Variants in ANGPT1 observed in about 807,000 individuals in gnomAD.
The protein encoded by ANGPT1 is angiopoietin 1.
In ANGPT1, 17 loss-of-function variants were observed where a neutral mutation model predicts 62.2. That is an observed-to-expected ratio of 0.27 (90% CI 0.19 to 0.41). The LOEUF is 0.41. Ranked by LOEUF, ANGPT1 falls within the 10% of genes least tolerant of loss-of-function variation. ANGPT1 has a pLI of 1.00. For missense variants in ANGPT1, 478 were observed against 594.9 expected (o/e 0.80, Z 2.04); for synonymous variants, 199 against 198.9 (o/e 1.00, Z 0.00).
chr8:107,287,768 A>G (rs1483517834), intron 6 of ANGPT1, among the ~76,000 whole-genome samples: 10 of 152,174 alleles, frequency 6.6e-5, no homozygotes, highest in Admixed American at 6.6e-4. Flanking sequence ...GAACTGCCAC[A>G]TATTTGCTGT....
At chr8:107,371,345 G>T (rs1816407067) in intron 1 of ANGPT1, among the ~76,000 whole-genome samples, 1 of 152,106 alleles carries the variant, frequency 6.6e-6, no homozygotes, top group Admixed American at 6.5e-5. Context: ...GTCAATCTGT[G>T]AATTTGTCAG....
At chr8:107,464,282 G>A (rs1812145288) in intron 1 of ANGPT1, among the ~76,000 whole-genome samples, 1 of 152,102 alleles carries the variant, frequency 6.6e-6, no homozygotes, top group Admixed American at 6.6e-5. Flanking sequence ...AACTACAAAA[G>A]TGATCCTATG....
chr8:107,363,416 C>T (rs745727754), intron 1 of ANGPT1, among the ~76,000 whole-genome samples: 2 of 152,102 alleles, frequency 1.3e-5, no homozygotes, highest in Non-Finnish European at 2.9e-5. Context: ...TACTAGCCAC[C>T]ATATTATTGC....
chr8:107,253,318 C>A (rs1355136504), intron 8 of ANGPT1, among the ~76,000 whole-genome samples: 1 of 152,136 alleles, frequency 6.6e-6, no homozygotes, highest in Non-Finnish European at 1.5e-5. Context: ...AAAATCCTAC[C>A]TTTGTTTTTC....
intron 1 of ANGPT1, among the ~76,000 whole-genome samples, chr8:107,477,050 C>G (rs923621288): frequency 5.3e-5 from 8 of 152,130 alleles, no homozygotes; most frequent in African/African-American, 1.9e-4. Flanking sequence ...ACCACAGAAT[C>G]CAAACCCGTT....
intron 1 of ANGPT1, among the ~76,000 whole-genome samples, chr8:107,474,444 A>C (rs1812456316): frequency 6.6e-6 from 1 of 152,316 alleles, no homozygotes. Context: ...TCAAAATAAC[A>C]AGAGCTATTT....
At chr8:107,429,630 A>G (rs1237762494) in intron 1 of ANGPT1, among the ~76,000 whole-genome samples, 1 of 130,722 alleles carries the variant, frequency 7.6e-6, no homozygotes, top group South Asian at 2.7e-4. Flanking sequence ...ATAAAAGCCT[A>G]TTGCTGAGCT....
intron 8 of ANGPT1, among the ~76,000 whole-genome samples, chr8:107,257,720 C>G (rs1027950738): frequency 1.3e-5 from 2 of 151,960 alleles, no homozygotes; most frequent in East Asian, 3.9e-4. Flanking sequence ...GAAAAAATCT[C>G]TTGGTGAGTT....
chr8:107,323,240 A>T (rs1024040788), intron 3 of ANGPT1, among the ~76,000 whole-genome samples: 1 of 152,172 alleles, frequency 6.6e-6, no homozygotes, highest in Non-Finnish European at 1.5e-5. Flanking sequence ...TTAACATTTT[A>T]TGGAGTGTCT....
chr8:107,468,126 G>A lies in ANGPT1; in HGVS notation c.297+29136C>T, dbSNP rs560662227. ...TAACTGCAATAGAGTGGAGTTGTCTGCCTCACCTAATAATCAGTTCTCCTT... is the reference window on the plus strand; with the variant it reads ...TAACTGCAATAGAGTGGAGTTGTCTACCTCACCTAATAATCAGTTCTCCTT... On this transcript the variant is annotated intron_variant, in intron 1 of 8. Transcript: ENST00000517746. Among the ~76,000 whole-genome samples, 104 of 152,148 alleles carry A rather than the reference G, an allele frequency of 6.8e-4. No individual in the cohort carries two copies. The South Asian group carries it at 7.9e-3, about 12-fold the overall frequency.
chr8:107,281,727 G>A (rs1159459227), intron 7 of ANGPT1, among the ~76,000 whole-genome samples: 2 of 152,160 alleles, frequency 1.3e-5, no homozygotes, highest in African/African-American at 2.4e-5. Context: ...GCAGTGAGCC[G>A]AGATCGCGCC....
chr8:107,328,524 G>T, intron 3 of ANGPT1, among the ~76,000 whole-genome samples: 1 of 151,842 alleles, frequency 6.6e-6, no homozygotes, highest in South Asian at 2.1e-4. Context: ...TAAAAAATAA[G>T]TTGGACAATA....
At chr8:107,325,756 T>G (rs960886694) in intron 3 of ANGPT1, among the ~76,000 whole-genome samples, 2 of 152,182 alleles carry the variant, frequency 1.3e-5, no homozygotes, top group African/African-American at 4.8e-5. Context: ...AATACTTTTT[T>G]TTTAAATTTT....
intron 1 of ANGPT1, among the ~76,000 whole-genome samples, chr8:107,414,957 G>A (rs1412843800): frequency 1.3e-5 from 2 of 152,054 alleles, no homozygotes; most frequent in Admixed American, 1.3e-4. Context: ...AAATGGCTTT[G>A]AACACACAAA....
chr8:107,442,609 G>C (rs748438569), intron 1 of ANGPT1, among the ~76,000 whole-genome samples: 1 of 152,102 alleles, frequency 6.6e-6, no homozygotes. Context: ...AAGCTATTGG[G>C]TTAGCTTTAT....
chr8:107,390,457 G>T (rs1040996426), intron 1 of ANGPT1, among the ~76,000 whole-genome samples: 22 of 152,182 alleles, frequency 1.4e-4, no homozygotes, highest in African/African-American at 5.3e-4. Context: ...ATACTGAGAT[G>T]AGTGTTACAA....
chr8:107,424,944 G>A (rs995699245), intron 1 of ANGPT1, among the ~76,000 whole-genome samples: 3 of 151,952 alleles, frequency 2.0e-5, no homozygotes, highest in African/African-American at 7.3e-5. Flanking sequence ...GCATCATCTC[G>A]ACTCACTGCA....
At chr8:107,392,664 C>T (rs961454586) in intron 1 of ANGPT1, among the ~76,000 whole-genome samples, 4 of 152,144 alleles carry the variant, frequency 2.6e-5, no homozygotes, top group Admixed American at 2.6e-4. Context: ...CTGAGTCTCC[C>T]ACTTTCCTTA....
intron 1 of ANGPT1, among the ~76,000 whole-genome samples, chr8:107,476,012 T>C (rs1812516489): frequency 6.6e-6 from 1 of 152,224 alleles, no homozygotes; most frequent in African/African-American, 2.4e-5. Flanking sequence ...TCAACCATTG[T>C]GGAAGACAGT....
Sources: allele counts gnomAD v4.1 joint callset (sites outside exome capture counted in the v4.1 genomes callset), GRCh38; gene constraint gnomAD v4.1.1; transcripts MANE v1.5; gene names NCBI Gene and HGNC (gene_info 2026-07-23, HGNC 2026-07-21).